The following CDH2 variants were observed in gnomAD, a reference collection of about 807,000 sequenced individuals.
The protein encoded by CDH2 is cadherin-2.
In CDH2, 17 loss-of-function variants were observed where a neutral mutation model predicts 92.0. That is an observed-to-expected ratio of 0.18 (90% confidence interval 0.13 to 0.28). The LOEUF is 0.28. Among genes scored for constraint, CDH2 ranks in the 10% least tolerant of loss-of-function variants. The probability of loss-of-function intolerance (pLI) is 1.00; values close to 1 mark genes in which losing one functional copy is unlikely to be tolerated. For missense variants in CDH2, 862 were observed against 1,133.1 expected, an observed-to-expected ratio of 0.76 and a Z score of 3.44; for synonymous variants, 419 against 415.9, an observed-to-expected ratio of 1.01 and a Z score of -0.09.
chr18:28,174,585 TGAGA>T (rs1465598984), intron 1 of CDH2, among the ~76,000 whole-genome samples: 4 of 152,160 alleles, frequency 2.6e-5, no homozygotes, highest in African/African-American at 4.8e-5. Flanking sequence ...TAGAAGAAAC[TGAGA>T]AAGAACATAC....
intron 13 of CDH2, among the ~76,000 whole-genome samples, chr18:27,984,248 T>C (rs1262003564): frequency 6.6e-6 from 1 of 152,220 alleles, no homozygotes; most frequent in Non-Finnish European, 1.5e-5. Context: ...GATTGGTGCA[T>C]AGCATGATCG....
intron 6 of CDH2, among the ~76,000 whole-genome samples, chr18:27,945,891 T>C (rs1909256940): frequency 6.6e-6 from 1 of 152,140 alleles, no homozygotes; most frequent in South Asian, 2.1e-4. Flanking sequence ...GTTTAAAATG[T>C]AGAAGGAAAA....
chr18:28,132,470 G>T (rs1401942177), intron 2 of CDH2, among the ~76,000 whole-genome samples: 1 of 152,136 alleles, frequency 6.6e-6, no homozygotes, highest in Non-Finnish European at 1.5e-5. Flanking sequence ...GAGAACCACT[G>T]AGGGAAAGGG....
intron 2 of CDH2, among the ~76,000 whole-genome samples, chr18:28,108,768 G>C (rs1161208887): frequency 6.9e-6 from 1 of 145,948 alleles, no homozygotes; most frequent in African/African-American, 2.6e-5. Context: ...AAAAAACATA[G>C]ATGTACCTAA....
At chr18:28,156,730 C>CATGTCACCTTCCCAGGTACAGA (rs1568020648) in intron 1 of CDH2, among the ~76,000 whole-genome samples, 15 of 96,764 alleles carry the variant, frequency 1.6e-4, no homozygotes, top group Non-Finnish European at 3.1e-4. Context: ...CCAGGTATAG[C>CATGTCACCTTCCCAGGTACAGA]ATGTCACCTT....
chr18:27,940,949 A>T (rs2143834178), intron 6 of CDH2, among the ~76,000 whole-genome samples: 1 of 152,118 alleles, frequency 6.6e-6, no homozygotes, highest in Non-Finnish European at 1.5e-5. Context: ...TGCCATCAGT[A>T]CATTCTGAGA....
At chr18:28,121,748 T>C (rs1187400232) in intron 2 of CDH2, among the ~76,000 whole-genome samples, 1 of 152,092 alleles carries the variant, frequency 6.6e-6, no homozygotes, top group African/African-American at 2.4e-5. Context: ...ATTGGTGCGA[T>C]AGATGATAAA....
chr18:28,044,915 A>T (rs2014043176), intron 2 of CDH2, among the ~76,000 whole-genome samples: 1 of 151,552 alleles, frequency 6.6e-6, no homozygotes, highest in Non-Finnish European at 1.5e-5. Flanking sequence ...TTTTCTATAA[A>T]TGAGATTCAT....
chr18:28,127,062 C>T (rs897152586), intron 2 of CDH2, among the ~76,000 whole-genome samples: 11 of 152,078 alleles, frequency 7.2e-5, no homozygotes, highest in Admixed American at 3.3e-4. Context: ...TGTGGACCCA[C>T]GCATGAGTTC....
At chr18:27,946,542 C>G (rs1909271735), downstream of CDH2, among the ~76,000 whole-genome samples, 1 of 151,894 alleles carries the variant, frequency 6.6e-6, no homozygotes, top group Admixed American at 6.6e-5. Flanking sequence ...GAAAACCTAT[C>G]CCCAAAATGA....
intron 2 of CDH2, among the ~76,000 whole-genome samples, chr18:28,109,405 A>G (rs1418043216): frequency 3.3e-5 from 5 of 152,216 alleles, no homozygotes; most frequent in Non-Finnish European, 5.9e-5. Context: ...GGAAGTAAAC[A>G]GTAAAGTTTT....
chr18:28,134,996 C>T (rs1238217073), intron 2 of CDH2, among the ~76,000 whole-genome samples: 2 of 152,012 alleles, frequency 1.3e-5, no homozygotes, highest in East Asian at 3.9e-4. Flanking sequence ...GGGAAAGGGC[C>T]CTCCACAGTG....
intron 1 of CDH2, among the ~76,000 whole-genome samples, chr18:28,155,244 C>T (rs1387831986): frequency 6.6e-6 from 1 of 152,096 alleles, no homozygotes; most frequent in African/African-American, 2.4e-5. Context: ...GCCATGTAAC[C>T]TCATCTGTGC....
intron 1 of CDH2, 131 bp from the exon 2 acceptor site, chr18:28,147,915 C>A: frequency 1.7e-6 from 1 of 602,480 alleles, no homozygotes; most frequent in Non-Finnish European, 2.9e-6. Flanking sequence ...TTTCCAAGTG[C>A]TTACAATTAG....
downstream of CDH2, among the ~76,000 whole-genome samples, chr18:27,950,458 A>G (rs1171836203): frequency 2.6e-5 from 4 of 152,146 alleles, no homozygotes; most frequent in Non-Finnish European, 4.4e-5. Context: ...CAAATGATCA[A>G]GTCAATGGAT....
At chr18:28,158,413 G>A (rs2016254770) in intron 1 of CDH2, among the ~76,000 whole-genome samples, 1 of 152,178 alleles carries the variant, frequency 6.6e-6, no homozygotes, top group South Asian at 2.1e-4. Flanking sequence ...TCAACTCAAG[G>A]GTGAAGGACA....
chr18:28,104,991 T>C (rs1403539891), intron 2 of CDH2, among the ~76,000 whole-genome samples: 1 of 152,094 alleles, frequency 6.6e-6, no homozygotes, highest in Non-Finnish European at 1.5e-5. Flanking sequence ...TGTTATATCA[T>C]GTTTATTGAA....
chr18:28,036,063 T>C (rs2013818511), intron 2 of CDH2, among the ~76,000 whole-genome samples: 1 of 152,172 alleles, frequency 6.6e-6, no homozygotes, highest in African/African-American at 2.4e-5. Flanking sequence ...GGCTTGTAAA[T>C]GTTAATTTGC....
At chr18:27,948,120 CAG>C (rs1233160680), downstream of CDH2, among the ~76,000 whole-genome samples, 2 of 150,556 alleles carry the variant, frequency 1.3e-5, no homozygotes, top group East Asian at 2.0e-4. Context: ...GTTTGGAAAA[CAG>C]ATATAAGTGA....
Sources: allele counts gnomAD v4.1 joint callset (sites outside exome capture counted in the v4.1 genomes callset), GRCh38; gene constraint gnomAD v4.1.1; transcripts MANE v1.5; gene names NCBI Gene and HGNC (gene_info 2026-07-23, HGNC 2026-07-21).